GABRG3: variants seen among roughly 807,000 people sequenced by gnomAD.
The protein encoded by GABRG3 is gamma-aminobutyric acid receptor subunit gamma-3.
Under a neutral mutation model 48.8 loss-of-function variants are expected in GABRG3, and 25 were observed. The observed-to-expected ratio is 0.51, with a 90% CI of 0.37 to 0.72. The LOEUF (loss-of-function observed/expected upper bound fraction) is 0.72, where lower values mean the gene tolerates loss of function less well. Among genes scored for constraint, GABRG3 ranks in the 30% least tolerant of loss-of-function variants. The pLI, the probability that GABRG3 is intolerant of heterozygous loss-of-function variation, is 0.00. For synonymous variants in GABRG3, 227 were observed against 217.6 expected, an observed-to-expected ratio of 1.04 and a Z score of -0.38; for missense variants, 394 against 577.9, an observed-to-expected ratio of 0.68 and a Z score of 3.26.
At chr15:26,973,108 G>C (rs1382190090) in intron 1 of GABRG3, among the ~76,000 whole-genome samples, 1 of 152,194 alleles carries the variant, frequency 6.6e-6, no homozygotes, top group Non-Finnish European at 1.5e-5. Flanking sequence ...ACTCAAACGA[G>C]TGACCAGCCG....
chr15:27,140,729 C>T (rs1442769946), intron 3 of GABRG3, among the ~76,000 whole-genome samples: 1 of 151,818 alleles, frequency 6.6e-6, no homozygotes, highest in Non-Finnish European at 1.5e-5. Flanking sequence ...GTATCTTATT[C>T]TTGTTTTATG....
rs975848593 is a variant in GABRG3 at position 26,991,375 on chromosome 15, T to C, written c.202+14225T>C. 8.6e-5 allele frequency among the ~76,000 whole-genome samples: 13 copies of C among 151,924 alleles called. 1 individual carries two copies. Among genetic ancestry groups the C allele is most frequent in the South Asian group, 4.1e-4 (2 of 4,826 alleles). On this transcript the variant is annotated intron_variant, in intron 2 of 9. Coordinates refer to ENST00000615808, the MANE Select transcript of GABRG3 (RefSeq NM_033223.5). ...ATATGATTCGTTCAATTTTTTTTTT[T>C]CCCCCAGGATAGCTTTGACTATTTT...
At position 26,971,392 on chromosome 15, in the gene GABRG3, C is replaced by T. The variant is rs1402954614; in HGVS notation, c.-144C>T. ...CGCCCCGCGGGGGCGCGGCCAGCGC[C>T]AGAGTAGATACCTGTCCCGCCCGCC... On this transcript the variant is annotated 5_prime_UTR_variant, in exon 1 of 10. Coordinates refer to ENST00000615808, the MANE Select transcript of GABRG3 (RefSeq NM_033223.5). The T allele has an allele frequency of 4.0e-4, 211 of 528,370 alleles. No homozygotes were observed. Among genetic ancestry groups the T allele is most frequent in the Non-Finnish European group, 3.5e-4 (120 of 342,490 alleles). 32.7% of individuals were successfully genotyped at this position (528,370 alleles called of 1,614,324 possible).
At chr15:27,462,301 A>G (rs1235892063) in intron 5 of GABRG3, among the ~76,000 whole-genome samples, 1 of 152,156 alleles carries the variant, frequency 6.6e-6, no homozygotes, top group Non-Finnish European at 1.5e-5. Flanking sequence ...GGACCTTGCT[A>G]TATCCGTGTT....
chr15:27,410,925 G>A (rs72705745), intron 5 of GABRG3, among the ~76,000 whole-genome samples: 16,210 of 150,778 alleles, frequency 0.11, 931 homozygotes, highest in Middle Eastern at 0.22. Flanking sequence ...ATAATTTACA[G>A]GCCTGCCTTA....
chr15:27,510,518 T>C (rs972272618), intron 6 of GABRG3, among the ~76,000 whole-genome samples: 4 of 152,234 alleles, frequency 2.6e-5, no homozygotes, highest in Admixed American at 2.0e-4. Context: ...GTTCTCACAA[T>C]GAGTTCTGTC....
At chr15:27,254,010 A>T (rs1435427596) in intron 3 of GABRG3, among the ~76,000 whole-genome samples, 1 of 152,212 alleles carries the variant, frequency 6.6e-6, no homozygotes, top group African/African-American at 2.4e-5. Context: ...AAGTGACCTG[A>T]TCTCATGCTT....
chr15:27,249,903 G>T (rs1307507015), intron 3 of GABRG3, among the ~76,000 whole-genome samples: 2 of 152,160 alleles, frequency 1.3e-5, no homozygotes, highest in Admixed American at 1.3e-4. Flanking sequence ...GTGTGGAGGT[G>T]GAGTGGGTTG....
At chr15:27,414,698 C>T (rs1014795507) in intron 5 of GABRG3, among the ~76,000 whole-genome samples, 1 of 152,172 alleles carries the variant, frequency 6.6e-6, no homozygotes, top group Non-Finnish European at 1.5e-5. Context: ...AGAGACCACA[C>T]TCTCATGAGC....
intron 3 of GABRG3, among the ~76,000 whole-genome samples, chr15:27,184,905 T>C (rs2140418784): frequency 6.6e-6 from 1 of 152,326 alleles, no homozygotes; most frequent in Admixed American, 6.5e-5. Flanking sequence ...TCCTGATATT[T>C]GGCAATTTGC....
chr15:27,047,307 C>G (rs576417326), intron 3 of GABRG3, among the ~76,000 whole-genome samples: 1 of 152,146 alleles, frequency 6.6e-6, no homozygotes, highest in Admixed American at 6.5e-5. Context: ...ATGTCACCCT[C>G]GCAGGTCTCA....
intron 5 of GABRG3, among the ~76,000 whole-genome samples, chr15:27,336,296 A>G (rs1595686079): frequency 6.6e-6 from 1 of 151,902 alleles, no homozygotes; most frequent in South Asian, 2.1e-4. Context: ...GAGAGAAAAG[A>G]AGAAGGAGAA....
At chr15:27,526,888 G>C (rs1891289845) in intron 7 of GABRG3, among the ~76,000 whole-genome samples, 1 of 152,102 alleles carries the variant, frequency 6.6e-6, no homozygotes, top group Non-Finnish European at 1.5e-5. Context: ...CTAGGAGACA[G>C]GTATGTAAAG....
chr15:27,417,345 A>G lies in GABRG3; in HGVS notation c.575-63305A>G, dbSNP rs767697370. Among the ~76,000 whole-genome samples the G allele has an allele frequency of 4.7e-4, 72 of 152,288 alleles. 1 individual carries two copies. The Middle Eastern group carries it at 0.017, about 36-fold the overall frequency. On this transcript the variant is annotated intron_variant, in intron 5 of 9. Coordinates refer to ENST00000615808, the MANE Select transcript of GABRG3 (RefSeq NM_033223.5). ...GTGGGTGACACTCATCCCTCTTAAA[A>G]TAGACAGTATCTGGCCTATGTATTT...
At chr15:27,426,822 C>G (rs1171019661) in intron 5 of GABRG3, among the ~76,000 whole-genome samples, 2 of 152,116 alleles carry the variant, frequency 1.3e-5, no homozygotes, top group Non-Finnish European at 1.5e-5. Context: ...GACTCTGTCT[C>G]CAAAAGAAAT....
intron 2 of GABRG3, among the ~76,000 whole-genome samples, chr15:27,009,373 G>A (rs1355210449): frequency 6.6e-6 from 1 of 152,076 alleles, no homozygotes; most frequent in Middle Eastern, 3.2e-3. Flanking sequence ...CAAGATATTT[G>A]CATTTTTGTC....
chr15:27,295,135 A>C (rs1891937553), intron 3 of GABRG3: 2 of 152,194 alleles, frequency 1.3e-5, no homozygotes, highest in Non-Finnish European at 2.9e-5. Flanking sequence ...TCTGAAAGCA[A>C]AGTGTCCCTA....
At chr15:27,313,700 A>G (rs927807651) in intron 3 of GABRG3, among the ~76,000 whole-genome samples, 1 of 152,148 alleles carries the variant, frequency 6.6e-6, no homozygotes, top group African/African-American at 2.4e-5. Flanking sequence ...TCATAAATAT[A>G]TTAAAATGAA....
rs140934740 is a variant in GABRG3, at chr15:27,185,258, T to C, written c.271-141551T>C. On this transcript the variant is annotated intron_variant, in intron 3 of 9. Transcript: ENST00000615808. ...CACTTTCATTCAGTTCTGTGTACTT[T>C]TAAAATTTTTCCTTTGACATATGTT... 7.5e-3 allele frequency among the ~76,000 whole-genome samples: 1,143 copies of C among 152,296 alleles called. 8 individuals carry two copies. Among genetic ancestry groups the C allele is most frequent in the Middle Eastern group, 0.024 (7 of 294 alleles).
Sources: gnomAD v4.1 joint callset for allele counts (sites outside exome capture counted in the v4.1 genomes callset) on GRCh38, gnomAD v4.1.1 for gene constraint, MANE v1.5 for transcripts, NCBI Gene and HGNC (gene_info 2026-07-23, HGNC 2026-07-21) for gene names.